The following CALN1 variants were observed in gnomAD, a reference collection of about 807,000 sequenced individuals.
CALN1 encodes calneuron 1.
Under a neutral mutation model 30.6 loss-of-function variants are expected in CALN1, and 17 were observed. The ratio of observed to expected loss-of-function variants is 0.56; its 90% confidence interval spans 0.38 to 0.83. The LOEUF (loss-of-function observed/expected upper bound fraction) is 0.83, where lower values mean the gene tolerates loss of function less well. Among genes scored for constraint, CALN1 ranks in the 40% least tolerant of loss-of-function variants. CALN1 has a pLI of 0.00. For synonymous variants in CALN1, 156 were observed against 131.4 expected (o/e 1.19, Z -1.28); for missense variants, 291 against 354.9 (o/e 0.82, Z 1.45).
chr7:72,433,537 A>G (rs1303604476), intron 1 of CALN1, among the ~76,000 whole-genome samples: 2 of 152,072 alleles, frequency 1.3e-5, no homozygotes, highest in Non-Finnish European at 2.9e-5. Context: ...TGCGGCTCCT[A>G]AGTAGAAATC....
chr7:72,438,922 A>C (rs1366852078), intron 1 of CALN1, among the ~76,000 whole-genome samples: 1 of 152,240 alleles, frequency 6.6e-6, no homozygotes, highest in Non-Finnish European at 1.5e-5. Context: ...CAAGCCACCT[A>C]ACTTTTCAAC....
At chr7:72,236,425 G>A (rs541858124) in intron 3 of CALN1, among the ~76,000 whole-genome samples, 7 of 152,162 alleles carry the variant, frequency 4.6e-5, no homozygotes, top group South Asian at 2.1e-4. Context: ...GTCTCTCATC[G>A]AGCAAGTTCT....
At chr7:71,889,950 T>C (rs1414712227) in intron 5 of CALN1, among the ~76,000 whole-genome samples, 1 of 146,616 alleles carries the variant, frequency 6.8e-6, no homozygotes, top group Non-Finnish European at 1.5e-5. Context: ...GGGTGACAGA[T>C]CTAGACTCTG....
At chr7:72,120,103 C>T (rs933781486) in intron 3 of CALN1, among the ~76,000 whole-genome samples, 2 of 151,872 alleles carry the variant, frequency 1.3e-5, no homozygotes, top group Non-Finnish European at 2.9e-5. Context: ...AGCCCTTGAC[C>T]CCCAGTAGTC....
At chr7:72,501,928 A>AAAATATATATATAT in the CALN1 span, among the ~76,000 whole-genome samples, 4 of 57,942 alleles carry the variant, frequency 6.9e-5, no homozygotes, top group Non-Finnish European at 1.2e-4. Flanking sequence ...AAAAAAAAAA[A>AAAATATATATATAT]ATATATATAT....
chr7:72,440,749 C>G (rs1288736133), intron 1 of CALN1, among the ~76,000 whole-genome samples: 1 of 152,138 alleles, frequency 6.6e-6, no homozygotes, highest in Non-Finnish European at 1.5e-5. Context: ...ATTGCTTGAA[C>G]CCAGGAGGCA....
intron 5 of CALN1, among the ~76,000 whole-genome samples, chr7:71,843,747 C>T (rs1261474096): frequency 1.3e-5 from 2 of 152,196 alleles, no homozygotes; most frequent in Non-Finnish European, 1.5e-5. Flanking sequence ...TATACTTACA[C>T]CATACTTATT....
chr7:72,379,653 AAC>A (rs1201546800), intron 2 of CALN1, among the ~76,000 whole-genome samples: 1 of 152,252 alleles, frequency 6.6e-6, no homozygotes, highest in African/African-American at 2.4e-5. Flanking sequence ...AAAAATGTCC[AAC>A]AGAGACAGGA....
chr7:72,265,790 G>C (rs572626110), intron 3 of CALN1, among the ~76,000 whole-genome samples: 1 of 151,998 alleles, frequency 6.6e-6, no homozygotes, highest in South Asian at 2.1e-4. Flanking sequence ...TAAGAACCTA[G>C]GACACATTTT....
At chr7:72,289,029 T>C (rs1298615957) in intron 2 of CALN1, among the ~76,000 whole-genome samples, 1 of 152,208 alleles carries the variant, frequency 6.6e-6, no homozygotes, top group African/African-American at 2.4e-5. Flanking sequence ...GTCTTTGTCT[T>C]AAAAAGTCTT....
chr7:72,450,406 G>A (rs750610329), upstream of CALN1, among the ~76,000 whole-genome samples: 11 of 152,066 alleles, frequency 7.2e-5, no homozygotes, highest in South Asian at 8.3e-4. Context: ...AGAGCCCCCC[G>A]ACCCCCAGCG....
intron 5 of CALN1, among the ~76,000 whole-genome samples, chr7:72,015,491 G>A (rs1800327060): frequency 6.6e-6 from 1 of 151,246 alleles, no homozygotes; most frequent in South Asian, 2.1e-4. Context: ...CCAGGCTGGA[G>A]TGAGGTGGTG....
chr7:71,964,358 G>C, intron 5 of CALN1, among the ~76,000 whole-genome samples: 1 of 152,194 alleles, frequency 6.6e-6, no homozygotes, highest in East Asian at 1.9e-4. Flanking sequence ...GTGGGCGTCT[G>C]TTACAGTGTG....
At chr7:72,179,853 T>C (rs1395010476) in intron 3 of CALN1, among the ~76,000 whole-genome samples, 1 of 152,214 alleles carries the variant, frequency 6.6e-6, no homozygotes, top group African/African-American at 2.4e-5. Context: ...AAAAGTTATA[T>C]ACTGACTCAT....
At chr7:72,484,419 C>T in the CALN1 span, among the ~76,000 whole-genome samples, 1 of 152,128 alleles carries the variant, frequency 6.6e-6, no homozygotes, top group Non-Finnish European at 1.5e-5. Context: ...ACTTCTGTCC[C>T]ATGAATTGTG....
chr7:72,213,222 G>A (rs920134266), intron 3 of CALN1, among the ~76,000 whole-genome samples: 1 of 152,178 alleles, frequency 6.6e-6, no homozygotes, highest in Non-Finnish European at 1.5e-5. Flanking sequence ...CGTTATCTTT[G>A]TTCTCCGCTC....
chr7:71,919,816 T>C (rs1229962162), intron 5 of CALN1, among the ~76,000 whole-genome samples: 2 of 152,190 alleles, frequency 1.3e-5, no homozygotes, highest in Non-Finnish European at 2.9e-5. Context: ...AAGTTACCAG[T>C]GGTCCGCGAG....
At chr7:71,829,536 G>A (rs1428530904) in intron 5 of CALN1, among the ~76,000 whole-genome samples, 1 of 152,232 alleles carries the variant, frequency 6.6e-6, no homozygotes, top group African/African-American at 2.4e-5. Context: ...GTAAAGTAAA[G>A]GGCTTTTATG....
intron 5 of CALN1, among the ~76,000 whole-genome samples, chr7:71,971,953 A>AAAAAAAAAGAAAGAAAGAAAG (rs1797839188): frequency 2.7e-5 from 2 of 72,836 alleles, no homozygotes; most frequent in African/African-American, 1.4e-4. Flanking sequence ...AAAAAAAAAA[A>AAAAAAAAAGAAAGAAAGAAAG]AAAGAAAGAA....
Sources: gnomAD v4.1 joint callset for allele counts (sites outside exome capture counted in the v4.1 genomes callset) on GRCh38, gnomAD v4.1.1 for gene constraint, MANE v1.5 for transcripts, NCBI Gene and HGNC (gene_info 2026-07-23, HGNC 2026-07-21) for gene names.